LIFR: variants seen among roughly 807,000 people sequenced by gnomAD.
LIFR encodes the protein leukemia inhibitory factor receptor.
Under a neutral mutation model 122.2 loss-of-function variants are expected in LIFR, and 84 were observed. The observed-to-expected ratio is 0.69, with a 90% CI of 0.58 to 0.82. The LOEUF is 0.82. Ranked by LOEUF, LIFR falls within the 40% of genes least tolerant of loss-of-function variation. The pLI is 0.00. For missense variants in LIFR, 1,294 were observed against 1,311.6 expected (o/e 0.99, Z 0.21); for synonymous variants, 422 against 434.7 (o/e 0.97, Z 0.36).
At chr5:38,506,421 T>C (rs917113804) in intron 8 of LIFR, 82 bp downstream of exon 8, 15 of 1,471,106 alleles carry the variant, frequency 1.0e-5, no homozygotes, top group Non-Finnish European at 9.5e-6. Flanking sequence ...ACATAAATGA[T>C]CTAGTGCAGT....
In LIFR at chr5:38,556,342, C is replaced by T. The variant is rs1473615545; in HGVS notation, c.-28G>A. The T allele has an allele frequency of 6.6e-6, 1 of 152,130 alleles. No homozygotes were observed. Among genetic ancestry groups the T allele is most frequent in the Non-Finnish European group, 1.5e-5 (1 of 68,204 alleles). The allele number at this position is 152,130 out of a possible 1,614,324, so 9.4% of individuals were successfully genotyped here. A position where few individuals can be genotyped will look rare whatever the true frequency, so the allele number is the denominator to read the frequency against. ...CCGCCCCCAGGACTCACGGTACGCTCCCGCGCCGCTATCTTGCCATCCCCT... is the reference window on the plus strand; with the variant it reads ...CCGCCCCCAGGACTCACGGTACGCTTCCGCGCCGCTATCTTGCCATCCCCT... On this transcript the variant is annotated 5_prime_UTR_variant, in exon 1 of 20. Transcript: ENST00000453190.
intron 5 of LIFR, among the ~76,000 whole-genome samples, chr5:38,517,157 T>C (rs930078956): frequency 2.2e-4 from 34 of 152,108 alleles, no homozygotes; most frequent in African/African-American, 7.7e-4. Flanking sequence ...TACACCTATG[T>C]AACAAACCTT....
intron 11 of LIFR, among the ~76,000 whole-genome samples, chr5:38,499,940 C>T (rs1331759766): frequency 1.3e-5 from 2 of 152,164 alleles, no homozygotes; most frequent in Non-Finnish European, 2.9e-5. Flanking sequence ...TGTGCCCTCT[C>T]TTCCTCTGCC....
At chr5:38,486,464 A>G (rs1037706207) in intron 16 of LIFR, among the ~76,000 whole-genome samples, 3 of 152,228 alleles carry the variant, frequency 2.0e-5, no homozygotes, top group Admixed American at 6.5e-5. Context: ...GGACTCTCAA[A>G]TAAGACTAAT....
rs550102811 is a variant in LIFR at position 38,587,457 on chromosome 5, T to G, written c.-20+7804A>C. Among the ~76,000 whole-genome samples, 218 of 144,554 alleles carry G rather than the reference T, an allele frequency of 1.5e-3. 1 individual carries two copies. Among genetic ancestry groups the G allele is most frequent in the African/African-American group, 5.2e-3 (201 of 38,762 alleles). The allele number at this position is 144,554 out of a possible 152,430, so 94.8% of individuals were successfully genotyped here. A position where few individuals can be genotyped will look rare whatever the true frequency, so the allele number is the denominator to read the frequency against. ...AAGACGGCCCAGGAGCAAGAAAGAG[T>G]CAGGTAGCACTTCCGAAGGACTGAA... On this transcript the variant is annotated intron_variant, in intron 1 of 19. Coordinates refer to the LIFR transcript ENST00000263409.
chr5:38,504,661 A>G (rs765209167), intron 9 of LIFR, among the ~76,000 whole-genome samples: 4 of 152,204 alleles, frequency 2.6e-5, no homozygotes, highest in Admixed American at 6.5e-5. Flanking sequence ...GGCAAACTGC[A>G]TATTACACTG....
intron 11 of LIFR, among the ~76,000 whole-genome samples, chr5:38,499,845 C>T (rs545718265): frequency 1.3e-5 from 2 of 152,242 alleles, no homozygotes; most frequent in South Asian, 4.2e-4. Flanking sequence ...TCCTCTCACT[C>T]CCTCCTTTCT....
chr5:38,534,310 T>C (rs1483735609), intron 1 of LIFR, among the ~76,000 whole-genome samples: 1 of 152,204 alleles, frequency 6.6e-6, no homozygotes, highest in Non-Finnish European at 1.5e-5. Flanking sequence ...GACTCCATTG[T>C]GTTATTGAAG....
intron 5 of LIFR, 76 bp from the exon 6 acceptor site, chr5:38,512,040 CAATA>C: frequency 4.3e-6 from 6 of 1,388,284 alleles, no homozygotes; most frequent in Non-Finnish European, 6.1e-6. Flanking sequence ...TTAAAAGACA[CAATA>C]GATTCCATAC....
At chr5:38,544,552 G>C (rs1747769592) in intron 1 of LIFR, among the ~76,000 whole-genome samples, 1 of 152,032 alleles carries the variant, frequency 6.6e-6, no homozygotes, top group Non-Finnish European at 1.5e-5. Flanking sequence ...ACCTAGAAAG[G>C]GGGACAATTC....
Position 38,493,748 on chromosome 5 carries a change from CT to C in LIFR, c.1922del (p.Lys641ArgfsTer13), listed in dbSNP as rs1430608851. 6.2e-7 allele frequency: 1 copy of C among 1,613,970 alleles called. No homozygotes were observed. The highest frequency in any genetic ancestry group is 8.5e-7 in the Non-Finnish European group (1 of 1,179,996). On this transcript the variant is annotated frameshift_variant, in exon 14 of 20. Coordinates refer to ENST00000453190, the MANE Select transcript of LIFR (RefSeq NM_001127671.2). LOFTEE classifies it high-confidence loss of function. ...LKIEQVVGMG[K>X]GILLTWHYDP... ...CGTAATGCCAGGTGAGGAGAATCCC[CT>C]TTCCCATCCCAACAACTTGTTCTAT...
In LIFR at chr5:38,501,024, G is replaced by A. The variant is rs567304412; in HGVS notation, c.1601-1441C>T. Reference sequence around the variant, plus strand: ...GCCACATGAGTGAACCATCTTGAAAGTGGATCCTCTAGCCCCAGTGAAGCC... The same window carrying A: ...GCCACATGAGTGAACCATCTTGAAAATGGATCCTCTAGCCCCAGTGAAGCC... On this transcript the variant is annotated intron_variant, in intron 11 of 19. Coordinates refer to ENST00000453190, the MANE Select transcript of LIFR (RefSeq NM_001127671.2). 2.0e-5 allele frequency among the ~76,000 whole-genome samples: 3 copies of A among 152,266 alleles called. No individual in the cohort carries two copies. In the South Asian group the frequency reaches 6.2e-4, roughly 32 times the overall value.
chr5:38,499,883 C>A (rs1254867287), intron 11 of LIFR, among the ~76,000 whole-genome samples: 1 of 152,260 alleles, frequency 6.6e-6, no homozygotes, highest in East Asian at 1.9e-4. Flanking sequence ...CCTGGCTGTC[C>A]CTCAGATATG....
chr5:38,507,270 A>G (rs1416502489), intron 7 of LIFR, among the ~76,000 whole-genome samples: 1 of 151,696 alleles, frequency 6.6e-6, no homozygotes, highest in African/African-American at 2.4e-5. Flanking sequence ...AGACCTTCAA[A>G]GTGATAAATG....
At chr5:38,506,155 A>G (rs1745466887) in intron 8 of LIFR, 81 bp from the exon 9 acceptor site, 4 of 891,892 alleles carry the variant, frequency 4.5e-6, no homozygotes, top group Non-Finnish European at 1.8e-6. Context: ...GTAATACTTA[A>G]TTTGTATAAA....
At chr5:38,586,231 A>T (rs1749743756) in intron 1 of LIFR, among the ~76,000 whole-genome samples, 1 of 152,224 alleles carries the variant, frequency 6.6e-6, no homozygotes, top group African/African-American at 2.4e-5. Flanking sequence ...ACATAGCAAC[A>T]TTATGGCCTC....
At chr5:38,569,506 C>T (rs1561216698) in intron 1 of LIFR, among the ~76,000 whole-genome samples, 1 of 152,160 alleles carries the variant, frequency 6.6e-6, no homozygotes, top group African/African-American at 2.4e-5. Flanking sequence ...CTATTATGAA[C>T]TGCACATGTA....
At chr5:38,544,169 TA>T (rs1561194471) in intron 1 of LIFR, among the ~76,000 whole-genome samples, 1 of 152,144 alleles carries the variant, frequency 6.6e-6, no homozygotes, top group Non-Finnish European at 1.5e-5. Flanking sequence ...CCTGAACTGC[TA>T]TAAGAGCCTC....
chr5:38,487,319 C>A (rs972552178), intron 16 of LIFR, among the ~76,000 whole-genome samples: 6 of 152,224 alleles, frequency 3.9e-5, no homozygotes, highest in African/African-American at 1.4e-4. Context: ...CGTTGGTTGA[C>A]AGACTGGTGG....
Sources: gnomAD v4.1 joint callset for allele counts (sites outside exome capture counted in the v4.1 genomes callset) on GRCh38, gnomAD v4.1.1 for gene constraint, MANE v1.5 for transcripts, NCBI Gene and HGNC (gene_info 2026-07-23, HGNC 2026-07-21) for gene names.